NTRK3: variants seen among roughly 807,000 people sequenced by gnomAD.
The protein encoded by NTRK3 is NT-3 growth factor receptor.
NTRK3 carries 24 observed loss-of-function variants against 91.7 expected under a neutral mutation model. The observed-to-expected ratio is 0.26, with a 90% confidence interval of 0.19 to 0.37. NTRK3 has a LOEUF of 0.37. NTRK3 is among the 10% of genes least tolerant of loss of function. The pLI is 1.00. For synonymous variants in NTRK3, 483 were observed against 404.0 expected (o/e 1.20, Z -2.34); for missense variants, 880 against 1,068.9 (o/e 0.82, Z 2.46).
At chr15:88,208,965 C>T (rs2049015998) in intron 3 of NTRK3, among the ~76,000 whole-genome samples, 3 of 152,100 alleles carry the variant, frequency 2.0e-5, no homozygotes, top group Non-Finnish European at 2.9e-5. Flanking sequence ...CTGAGTGAGG[C>T]ATTGGACATA....
intron 17 of NTRK3, among the ~76,000 whole-genome samples, chr15:87,894,263 C>G (rs1430129668): frequency 6.6e-6 from 1 of 152,218 alleles, no homozygotes; most frequent in East Asian, 1.9e-4. Flanking sequence ...TGAACATGAT[C>G]CCACTAGCAG....
chr15:87,895,235 G>A (rs1013896073), intron 17 of NTRK3, among the ~76,000 whole-genome samples: 1 of 152,212 alleles, frequency 6.6e-6, no homozygotes, highest in African/African-American at 2.4e-5. Context: ...AAGTCCCACA[G>A]TGTCTGGTTA....
Position 88,056,717 on chromosome 15 carries a change from G to A in NTRK3, c.1397-23672C>T, listed in dbSNP as rs28418465. ...ATCTCTGAGGCAAGATAGCCTGTCC[G>A]GAAAACCCTTTGGCACTTTCTCAGT... On this transcript the variant is annotated intron_variant, in intron 13 of 18. Coordinates refer to ENST00000394480, the Ensembl canonical transcript of NTRK3. Among the ~76,000 whole-genome samples the A allele has an allele frequency of 7.2e-3, 1,096 of 152,294 alleles. 17 individuals are homozygous for A. The highest frequency in any genetic ancestry group is 0.025 in the African/African-American group (1,044 of 41,546).
In NTRK3 at chr15:88,256,053, G is replaced by T. The variant is rs199520545; in HGVS notation, c.101C>A (p.Ala34Glu). 172 of 1,613,588 alleles carry T rather than the reference G, an allele frequency of 1.1e-4. No individual in the cohort carries two copies. The Admixed American group carries it at 2.8e-3, about 26-fold the overall frequency. ...CTCAGTCTTGCTGCAGACACAATTTGCAGGGCAAGCCAGCACGGAGCCCAC... is the reference window on the plus strand; with the variant it reads ...CTCAGTCTTGCTGCAGACACAATTTTCAGGGCAAGCCAGCACGGAGCCCAC... Residue 34 changes from alanine to glutamate, a missense_variant, in exon 3 of 19, where the codon GCA becomes GAA. This residue lies in a region of NTRK3 where 743 missense variants were observed against 868.6 expected (regional missense o/e 0.86). Transcript: ENST00000394480.
chr15:88,017,960 C>A (rs1032753556), intron 14 of NTRK3, among the ~76,000 whole-genome samples: 1 of 152,194 alleles, frequency 6.6e-6, no homozygotes, highest in Non-Finnish European at 1.5e-5. Context: ...GTTGCTATAT[C>A]ACCAGCAATT....
At chr15:88,250,990 C>A (rs1019504225) in intron 3 of NTRK3, among the ~76,000 whole-genome samples, 2 of 152,254 alleles carry the variant, frequency 1.3e-5, no homozygotes, top group Non-Finnish European at 2.9e-5. Flanking sequence ...AAAAGAACAT[C>A]TTTTCCTGGC....
chr15:88,118,810 G>T (rs1018185438), intron 13 of NTRK3, among the ~76,000 whole-genome samples: 18 of 152,164 alleles, frequency 1.2e-4, no homozygotes, highest in African/African-American at 4.3e-4. Flanking sequence ...TCTAAACTGG[G>T]TAAGGTATCG....
exon 19 of NTRK3, chr15:87,862,641 G>A (rs2064558290): frequency 4.4e-6 from 1 of 228,624 alleles, no homozygotes; most frequent in Non-Finnish European, 8.7e-6. Context: ...GTGTGTCATT[G>A]TGCTATATAA....
intron 5 of NTRK3, among the ~76,000 whole-genome samples, chr15:88,155,543 T>A (rs530422807): frequency 5.0e-4 from 76 of 152,312 alleles, no homozygotes; most frequent in Non-Finnish European, 7.5e-4. Flanking sequence ...GAGCAACTAA[T>A]AGGGCCACTT....
chr15:87,915,623 TCTC>T (rs1208583357), intron 17 of NTRK3, among the ~76,000 whole-genome samples: 1 of 152,168 alleles, frequency 6.6e-6, no homozygotes. Context: ...AGTAGGTTCT[TCTC>T]CTCTCTAAAT....
At chr15:88,206,509 T>G (rs919004207) in intron 3 of NTRK3, among the ~76,000 whole-genome samples, 8 of 142,196 alleles carry the variant, frequency 5.6e-5, no homozygotes, top group African/African-American at 2.1e-4. Flanking sequence ...ATACAAAAAA[T>G]TAGCCGGGCG....
chr15:88,011,467 G>T (rs1366473290), intron 14 of NTRK3, among the ~76,000 whole-genome samples: 2 of 152,162 alleles, frequency 1.3e-5, no homozygotes, highest in Non-Finnish European at 2.9e-5. Flanking sequence ...TGGGGCATTT[G>T]CTACCTTCCT....
intron 14 of NTRK3, among the ~76,000 whole-genome samples, chr15:87,969,477 A>G (rs1457463943): frequency 6.6e-6 from 1 of 152,220 alleles, no homozygotes; most frequent in Non-Finnish European, 1.5e-5. Flanking sequence ...GCTCAACAGC[A>G]TGTGACTAAT....
In NTRK3 at chr15:88,130,138, A is replaced by C. The variant is rs373413848; in HGVS notation, c.1205-1404T>G. On this transcript the variant is annotated intron_variant, in intron 10 of 18. Transcript: ENST00000394480. ...GAAATAAATTTCTGTTGTTTAAGCCACCCAGTCTATGGTATTTCACTGCTG... is the reference window on the plus strand; with the variant it reads ...GAAATAAATTTCTGTTGTTTAAGCCCCCCAGTCTATGGTATTTCACTGCTG... Among the ~76,000 whole-genome samples, 52 of 152,324 alleles carry C rather than the reference A, an allele frequency of 3.4e-4. No individual in the cohort carries two copies. In the East Asian group the frequency reaches 6.9e-3, roughly 20 times the overall value.
intron 14 of NTRK3, among the ~76,000 whole-genome samples, chr15:87,966,074 T>A (rs1596446853): frequency 2.0e-5 from 3 of 148,456 alleles, no homozygotes; most frequent in Non-Finnish European, 4.4e-5. Flanking sequence ...CAAAACTGTC[T>A]CAAACAAACA....
chr15:87,952,836 C>T (rs2071271902), intron 14 of NTRK3, among the ~76,000 whole-genome samples: 1 of 152,122 alleles, frequency 6.6e-6, no homozygotes, highest in Non-Finnish European at 1.5e-5. Context: ...CCAGGCACCC[C>T]CGCCTTTCCT....
rs149957531 is a variant in NTRK3 at position 88,040,590 on chromosome 15, C to G, written c.1397-7545G>C. ...TAATGCCCTACTGTTGGCTCTAAAA[C>G]TCCTTTCTCTTCCAGCAACTCTATG... On this transcript the variant is annotated intron_variant, in intron 13 of 18. Transcript: ENST00000394480. 6.6e-4 allele frequency among the ~76,000 whole-genome samples: 101 copies of G among 152,370 alleles called. 1 individual carries two copies. The highest frequency in any genetic ancestry group is 2.2e-3 in the African/African-American group (92 of 41,582).
At chr15:88,094,672 G>A (rs1191155451) in intron 13 of NTRK3, among the ~76,000 whole-genome samples, 2 of 151,894 alleles carry the variant, frequency 1.3e-5, no homozygotes, top group African/African-American at 2.4e-5. Context: ...CCTAGGGCTG[G>A]GCCATGCACA....
Position 88,073,330 on chromosome 15 carries a change from A to G in NTRK3, c.1397-40285T>C, listed in dbSNP as rs190721201. Among the ~76,000 whole-genome samples the G allele has an allele frequency of 3.3e-5, 5 of 152,328 alleles. No homozygotes were observed. In the East Asian group the frequency reaches 9.7e-4, roughly 29 times the overall value. On this transcript the variant is annotated intron_variant, in intron 13 of 18. Coordinates refer to ENST00000394480, the Ensembl canonical transcript of NTRK3. ...CTGACTGGGAAGCATGGCCTAAAAC[A>G]GTGATTCCCATAGTGTGAGCCCCAG...
Sources: allele counts gnomAD v4.1 joint callset (sites outside exome capture counted in the v4.1 genomes callset), GRCh38; gene constraint gnomAD v4.1.1; regional missense constraint gnomAD v4.1.1; transcripts MANE v1.5; gene names NCBI Gene and HGNC (gene_info 2026-07-23, HGNC 2026-07-21).